SORCS1: variants seen among roughly 807,000 people sequenced by gnomAD.
SORCS1 encodes the protein VPS10 domain-containing receptor SorCS1.
Under a neutral mutation model 146.1 loss-of-function variants are expected in SORCS1, and 60 were observed. The observed-to-expected ratio is 0.41, with a 90% confidence interval of 0.33 to 0.51. SORCS1 has a LOEUF of 0.51. SORCS1 is among the 20% of genes least tolerant of loss of function. The pLI is 0.21. For missense variants in SORCS1, 1,352 were observed against 1,487.6 expected (o/e 0.91, Z 1.50); for synonymous variants, 637 against 584.0 (o/e 1.09, Z -1.31).
chr10:106,667,845 A>C, intron 16 of SORCS1, 43 bp from the exon 17 acceptor site: 1 of 1,445,470 alleles, frequency 6.9e-7, no homozygotes, highest in Non-Finnish European at 9.7e-7. Flanking sequence ...TAGGTGGCAA[A>C]ATTACTGAAA....
chr10:106,877,811 T>C (rs1190351042), intron 2 of SORCS1, among the ~76,000 whole-genome samples: 5 of 152,170 alleles, frequency 3.3e-5, no homozygotes, highest in Admixed American at 3.3e-4. Flanking sequence ...AGAGAGGCAA[T>C]GGGAGGAGAC....
chr10:106,956,649 A>G, intron 1 of SORCS1, 69 bp from the exon 2 acceptor site: 1 of 1,355,298 alleles, frequency 7.4e-7, no homozygotes, highest in Non-Finnish European at 1.0e-6. Context: ...AAATGGCCCA[A>G]GGGAGGGCTT....
chr10:106,657,313 G>A (rs1850373625), intron 17 of SORCS1, among the ~76,000 whole-genome samples: 1 of 152,138 alleles, frequency 6.6e-6, no homozygotes, highest in Admixed American at 6.5e-5. Context: ...CAGCAACTTG[G>A]ATGGAGCTGG....
At chr10:107,067,058 G>A (rs1961941406) in intron 1 of SORCS1, among the ~76,000 whole-genome samples, 2 of 152,274 alleles carry the variant, frequency 1.3e-5, no homozygotes, top group Middle Eastern at 6.8e-3. Flanking sequence ...TTATTTGAAA[G>A]GTAGCATTGT....
intron 1 of SORCS1, among the ~76,000 whole-genome samples, chr10:107,140,087 A>T (rs1967682765): frequency 6.6e-6 from 1 of 152,226 alleles, no homozygotes; most frequent in Non-Finnish European, 1.5e-5. Context: ...AATTAAATCC[A>T]GTAATAAAAT....
chr10:106,943,836 C>G (rs891948611), intron 2 of SORCS1, among the ~76,000 whole-genome samples: 3 of 152,014 alleles, frequency 2.0e-5, no homozygotes, highest in Non-Finnish European at 2.9e-5. Flanking sequence ...AATTAATTGT[C>G]TCTTCACCTC....
Position 107,136,014 on chromosome 10 carries a change from T to C in SORCS1, c.558+27955A>G, listed in dbSNP as rs1159227180. On this transcript the variant is annotated intron_variant, in intron 1 of 25. Transcript: ENST00000263054. Reference sequence around the variant, plus strand: ...TCTCATTCTTTCCCACCTCTTGCTATGATCCTGTTTTCAAATAAATAACCT... The same window carrying C: ...TCTCATTCTTTCCCACCTCTTGCTACGATCCTGTTTTCAAATAAATAACCT... Among the ~76,000 whole-genome samples, 3 of 152,184 alleles carry C rather than the reference T, an allele frequency of 2.0e-5. No individual in the cohort carries two copies. The East Asian group carries it at 5.8e-4, about 29-fold the overall frequency.
intron 1 of SORCS1, among the ~76,000 whole-genome samples, chr10:106,996,094 G>A (rs1026817227): frequency 1.3e-5 from 2 of 151,906 alleles, no homozygotes; most frequent in African/African-American, 4.8e-5. Flanking sequence ...ACAAAAATTA[G>A]CCAGGCATGG....
chr10:107,053,739 C>G (rs1960346389), intron 1 of SORCS1, among the ~76,000 whole-genome samples: 1 of 152,108 alleles, frequency 6.6e-6, no homozygotes, highest in African/African-American at 2.4e-5. Context: ...TACAAATAAG[C>G]AGATGCCCTG....
chr10:106,953,587 G>C (rs960859831), intron 2 of SORCS1, among the ~76,000 whole-genome samples: 3 of 152,076 alleles, frequency 2.0e-5, no homozygotes, highest in East Asian at 3.9e-4. Flanking sequence ...CATGACCTTA[G>C]GTGAGTTTCT....
intron 9 of SORCS1, 71 bp downstream of exon 9, chr10:106,699,143 G>A (rs1853933755): frequency 6.6e-6 from 9 of 1,368,578 alleles, no homozygotes; most frequent in Non-Finnish European, 8.9e-6. Context: ...CAGGAAAAGA[G>A]TCCATGCGGG....
At position 106,620,405 on chromosome 10, in the gene SORCS1, T is replaced by C. The variant is rs755713501; in HGVS notation, c.2796+23A>G. 3.1e-6 allele frequency: 5 copies of C among 1,604,138 alleles called. No homozygotes were observed. In the Admixed American group the frequency reaches 6.7e-5, roughly 22 times the overall value. On this transcript the variant is annotated intron_variant, in intron 20 of 25. Coordinates refer to ENST00000263054, the MANE Select transcript of SORCS1 (RefSeq NM_052918.5). Reference sequence around the variant, plus strand: ...CGTGAATTGAGCTTCTGTCCCTAGATCGCATGTGGAAGGTGAACCCACCTC... The same window carrying C: ...CGTGAATTGAGCTTCTGTCCCTAGACCGCATGTGGAAGGTGAACCCACCTC...
chr10:106,792,019 T>C (rs112016387), intron 3 of SORCS1, among the ~76,000 whole-genome samples: 83 of 152,354 alleles, frequency 5.4e-4, no homozygotes, highest in African/African-American at 1.9e-3. Flanking sequence ...ATTCTGGGTA[T>C]GTCTCTTTTT....
At chr10:106,750,501 C>A (rs1005316544) in intron 5 of SORCS1, among the ~76,000 whole-genome samples, 25 of 151,534 alleles carry the variant, frequency 1.6e-4, no homozygotes, top group African/African-American at 5.3e-4. Flanking sequence ...GAGGCCGAGG[C>A]GGGCGGATTA....
At chr10:106,849,898 G>A (rs1050925754) in intron 2 of SORCS1, among the ~76,000 whole-genome samples, 2 of 151,850 alleles carry the variant, frequency 1.3e-5, no homozygotes, top group East Asian at 3.9e-4. Context: ...TAGGCTGCTC[G>A]GGGGTCAGGG....
At chr10:106,915,393 C>A (rs1220379280) in intron 2 of SORCS1, among the ~76,000 whole-genome samples, 1 of 152,132 alleles carries the variant, frequency 6.6e-6, no homozygotes, top group Non-Finnish European at 1.5e-5. Flanking sequence ...TTCCCTGTTT[C>A]TATAATATTT....
At chr10:107,044,530 A>T (rs1959212337) in intron 1 of SORCS1, among the ~76,000 whole-genome samples, 1 of 149,520 alleles carries the variant, frequency 6.7e-6, no homozygotes, top group Non-Finnish European at 1.5e-5. Context: ...AAAAAAAAAA[A>T]AAAAAAAAGT....
At chr10:106,832,371 T>A (rs2137034896) in intron 2 of SORCS1, among the ~76,000 whole-genome samples, 1 of 152,166 alleles carries the variant, frequency 6.6e-6, no homozygotes, top group East Asian at 1.9e-4. Context: ...GTATTTTTAG[T>A]AGAAATGGGG....
chr10:106,967,721 T>C (rs551435411), intron 1 of SORCS1, among the ~76,000 whole-genome samples: 3 of 152,188 alleles, frequency 2.0e-5, no homozygotes, highest in Admixed American at 2.0e-4. Context: ...CTGTTCTCAT[T>C]CCCCTCCAGT....
Sources: allele counts gnomAD v4.1 joint callset (sites outside exome capture counted in the v4.1 genomes callset), GRCh38; gene constraint gnomAD v4.1.1; transcripts MANE v1.5; gene names NCBI Gene and HGNC (gene_info 2026-07-23, HGNC 2026-07-21).